Variants in FREM1 observed in about 807,000 individuals in gnomAD.
The protein encoded by FREM1 is FRAS1 related extracellular matrix 1.
Under a neutral mutation model 210.1 loss-of-function variants are expected in FREM1, and 220 were observed. That is an observed-to-expected ratio of 1.05 (90% confidence interval 0.94 to 1.17). The LOEUF (loss-of-function observed/expected upper bound fraction) is 1.17. FREM1 is among the 50% of genes most tolerant of loss of function. The pLI is 0.00. For missense variants in FREM1, 3,454 were observed against 2,675.5 expected (o/e 1.29, Z -6.42); for synonymous variants, 1,189 against 980.2 (o/e 1.21, Z -3.98).
Position 14,807,961 on chromosome 9 carries a change from G to T in FREM1, c.3067C>A (p.Gln1023Lys). ...LNITVYPVDN[Q>K]PPSIAIGPVF... is the part of the protein sequence containing the mutation. ...TCACCTATTGCAATGGAAGGTGGCT[G>T]GTTGTCTACTGGGTATACCGTGATG... is the stretch of plus-strand genomic sequence containing the variant. Residue 1023 changes from glutamine (Q) to lysine (K), a missense_variant, in exon 17 of 37, where the codon CAG (glutamine) becomes AAG (lysine). By Grantham distance (53) the Gln-to-Lys change is moderately conservative. Coordinates refer to ENST00000380880, the MANE Select transcript of FREM1 (RefSeq NM_001379081.2). 1 of 1,613,046 alleles carries T rather than the reference G, an allele frequency of 6.2e-7. No individual in the cohort carries two copies. Among genetic ancestry groups the T allele is most frequent in the South Asian group, 1.1e-5 (1 of 90,922 alleles).
intron 7 of FREM1, among the ~76,000 whole-genome samples, chr9:14,846,815 A>C (rs891539113): frequency 4.6e-5 from 7 of 152,320 alleles, no homozygotes; most frequent in African/African-American, 1.2e-4. Flanking sequence ...CACATCTGCC[A>C]GCTTCACCTG....
intron 1 of FREM1, among the ~76,000 whole-genome samples, chr9:14,873,973 T>A (rs369695845): frequency 6.6e-6 from 1 of 152,136 alleles, no homozygotes. Flanking sequence ...TGTAGTTGAG[T>A]GGTTTTGAGT....
chr9:14,852,276 C>T (rs561186589), intron 5 of FREM1, among the ~76,000 whole-genome samples: 7 of 152,242 alleles, frequency 4.6e-5, no homozygotes, highest in African/African-American at 1.7e-4. Flanking sequence ...TGCAAGTGGC[C>T]ACTGAGGCTA....
chr9:14,897,726 G>C (rs1053829742), intron 1 of FREM1, among the ~76,000 whole-genome samples: 2 of 151,886 alleles, frequency 1.3e-5, no homozygotes, highest in Non-Finnish European at 2.9e-5. Context: ...GAGTAGCTAG[G>C]ACTACAGGCA....
intron 10 of FREM1, among the ~76,000 whole-genome samples, chr9:14,825,548 T>TGTGTGTATATATATAC (rs1554685284): frequency 0.012 from 525 of 43,250 alleles, 15 homozygotes; most frequent in African/African-American, 0.027. Flanking sequence ...TGTGTGTGTG[T>TGTGTGTATATATATAC]ATATATATAT....
rs548394176 is a variant in FREM1, at chr9:14,900,581, G to C, written c.-268+9333C>G. Among the ~76,000 whole-genome samples the C allele has an allele frequency of 9.9e-5, 15 of 152,192 alleles. No individual in the cohort carries two copies. In the South Asian group the frequency reaches 2.9e-3, roughly 30 times the overall value. ...ACCCAGTGTGGTGGTGGTTGGTTGG[G>C]GGAGGGCTGGGAAGAGGAGAGGAAG... On this transcript the variant is annotated intron_variant, in intron 1 of 36. Coordinates refer to ENST00000380880, the MANE Select transcript of FREM1 (RefSeq NM_001379081.2).
chr9:14,841,205 C>T (rs565966821), intron 10 of FREM1, among the ~76,000 whole-genome samples: 92 of 152,250 alleles, frequency 6.0e-4, no homozygotes, highest in African/African-American at 2.2e-3. Context: ...AGTTGCTCTA[C>T]ATAAAAGGGT....
At position 14,851,349 on chromosome 9, in the gene FREM1, G is replaced by C. The variant is rs571643744; in HGVS notation, c.1087C>G (p.Leu363Val). Residue 363 changes from leucine to valine, a missense_variant, in exon 6 of 37, where the codon CTC becomes GTC. Leu to Val is a conservative substitution (Grantham distance 32). Coordinates refer to ENST00000380880, the MANE Select transcript of FREM1 (RefSeq NM_001379081.2). ...TGATAGGCGATCTGCATGTCACTGA[G>C]ATCTTTCCAGGTGAATGAGGAGATT... ...RPISSFTWKD[L>V]SDMQIAYQPP... 12 of 1,612,848 alleles carry C rather than the reference G, an allele frequency of 7.4e-6. No homozygotes were observed. The South Asian group carries it at 1.2e-4, about 16-fold the overall frequency.
chr9:14,825,540 T>TGTGA lies in FREM1; in HGVS notation c.1882-549_1882-548insTCAC, dbSNP rs1822218924. Among the ~76,000 whole-genome samples, 48 of 42,206 alleles carry TGTGA rather than the reference T, an allele frequency of 1.1e-3. 2 individuals are homozygous for TGTGA. The Admixed American group carries it at 0.019, about 17-fold the overall frequency. The allele number at this position is 42,206 out of a possible 152,430, so 27.7% of individuals were successfully genotyped here. On this transcript the variant is annotated intron_variant, in intron 10 of 36. Coordinates refer to ENST00000380880, the MANE Select transcript of FREM1 (RefSeq NM_001379081.2). Reference sequence around the variant, plus strand: ...ATACATACATATATATATATATGTGTGTGTGTGTATATATATATATATATA... The same window carrying TGTGA: ...ATACATACATATATATATATATGTGTGTGAGTGTGTGTATATATATATATATATA...
chr9:14,809,177 G>C (rs1380684797), intron 16 of FREM1, among the ~76,000 whole-genome samples: 1 of 152,162 alleles, frequency 6.6e-6, no homozygotes, highest in Non-Finnish European at 1.5e-5. Context: ...AGCTCTCTTT[G>C]CTTGCTGCCA....
At chr9:14,898,542 G>C (rs1838178081) in intron 1 of FREM1, among the ~76,000 whole-genome samples, 1 of 152,164 alleles carries the variant, frequency 6.6e-6, no homozygotes, top group South Asian at 2.1e-4. Flanking sequence ...AGGAGTTCGA[G>C]ACCAGCCTGG....
In FREM1 at chr9:14,859,323, T is replaced by C. The variant is rs1185387966; in HGVS notation, c.491A>G (p.Asp164Gly). Reference protein sequence around the residue: ...IDKNLLRFDYDRMASLECTVS... With the variant: ...IDKNLLRFDYGRMASLECTVS... ...GGTACATTCCAGGCTAGCCATCCTA[T>C]CATAATCGAATCTGAGCAGATTTTT... The change falls in exon 4 of 37, where the codon GAT (aspartate) becomes GGT (glycine). Residue 164 changes from aspartate to glycine, a missense_variant. By Grantham distance (94) the Asp-to-Gly change is moderately conservative. Transcript: ENST00000380880. 4 of 1,613,706 alleles carry C rather than the reference T, an allele frequency of 2.5e-6. No homozygotes were observed. Among genetic ancestry groups the C allele is most frequent in the East Asian group, 2.2e-5 (1 of 44,870 alleles).
At chr9:14,757,393 A>G (rs2132203165) in intron 28 of FREM1, among the ~76,000 whole-genome samples, 1 of 152,278 alleles carries the variant, frequency 6.6e-6, no homozygotes, top group South Asian at 2.1e-4. Flanking sequence ...CGTCTCTACC[A>G]AAAACAAAAA....
At chr9:14,822,597 TA>T (rs1441987548) in intron 13 of FREM1, among the ~76,000 whole-genome samples, 1 of 152,300 alleles carries the variant, frequency 6.6e-6, no homozygotes, top group African/African-American at 2.4e-5. Flanking sequence ...GTATGGGACA[TA>T]CTCTCAATGC....
chr9:14,891,223 G>C (rs1299335454), intron 1 of FREM1, among the ~76,000 whole-genome samples: 1 of 152,152 alleles, frequency 6.6e-6, no homozygotes, highest in East Asian at 1.9e-4. Flanking sequence ...TCATCTTTGA[G>C]ACCAATTCAA....
In FREM1 at chr9:14,784,415, C is replaced by A. The variant is rs766863292; in HGVS notation, c.4397G>T (p.Cys1466Phe). Reference protein sequence around the residue: ...SQMDVVGQTVCYVHKSKVTVS... With the variant: ...SQMDVVGQTVFYVHKSKVTVS... ...AGTCACCTTGCTCTTGTGTACATAG[C>A]AAACTGTCTGCCCCACTACATCCAT... Residue 1466 changes from cysteine (C) to phenylalanine (F), a missense_variant, in exon 24 of 37, where the codon TGC becomes TTC. Physicochemically the swap from Cys to Phe is radical, Grantham distance 205. Transcript: ENST00000380880. The A allele has an allele frequency of 3.1e-6, 5 of 1,613,772 alleles. No individual in the cohort carries two copies. In the African/African-American group the frequency reaches 6.7e-5, roughly 22 times the overall value.
At chr9:14,767,227 T>C (rs941916450) in intron 27 of FREM1, among the ~76,000 whole-genome samples, 2 of 152,192 alleles carry the variant, frequency 1.3e-5, no homozygotes, top group Non-Finnish European at 2.9e-5. Flanking sequence ...TGCACACTAA[T>C]ATAGAGATCT....
At chr9:14,773,535 G>A (rs767728971) in intron 25 of FREM1, among the ~76,000 whole-genome samples, 2 of 151,876 alleles carry the variant, frequency 1.3e-5, no homozygotes, top group Non-Finnish European at 2.9e-5. Flanking sequence ...TCTGCTCAAA[G>A]AGACTGAGGG....
rs541515970 is a variant in FREM1, at chr9:14,794,047, G to A, written c.3840-1163C>T. Among the ~76,000 whole-genome samples, 112 of 152,312 alleles carry A rather than the reference G, an allele frequency of 7.4e-4. 1 individual carries two copies. Among genetic ancestry groups the A allele is most frequent in the African/African-American group, 2.5e-3 (106 of 41,576 alleles). ...AAGAAGATGAAGAGTTTGGTAGGAAGAATTCAGAATTAAATTTCTGGTCAG... is the reference window on the plus strand; with the variant it reads ...AAGAAGATGAAGAGTTTGGTAGGAAAAATTCAGAATTAAATTTCTGGTCAG... On this transcript the variant is annotated intron_variant, in intron 21 of 36. Transcript: ENST00000380880.
Sources: allele counts gnomAD v4.1 joint callset (sites outside exome capture counted in the v4.1 genomes callset), GRCh38; gene constraint gnomAD v4.1.1; transcripts MANE v1.5; gene names NCBI Gene and HGNC (gene_info 2026-07-23, HGNC 2026-07-21).